CNOT4: variants seen among roughly 807,000 people sequenced by gnomAD.
The protein encoded by CNOT4 is CCR4-associated factor 4.
In CNOT4, 8 loss-of-function variants were observed where a neutral mutation model predicts 73.8. That is an observed-to-expected ratio of 0.11 (90% CI 0.06 to 0.20). The LOEUF is 0.20. Among genes scored for constraint, CNOT4 ranks in the 10% least tolerant of loss-of-function variants. The pLI is 1.00. For synonymous variants in CNOT4, 293 were observed against 321.1 expected, an observed-to-expected ratio of 0.91 and a Z score of 0.94; for missense variants, 564 against 883.4, an observed-to-expected ratio of 0.64 and a Z score of 4.58.
chr7:135,396,107 CTTTTTTTTTTTTTTTT>C (rs71174519), intron 8 of CNOT4, among the ~76,000 whole-genome samples: 8 of 95,430 alleles, frequency 8.4e-5, no homozygotes, highest in South Asian at 3.9e-4. Context: ...ACTAGTCTCC[CTTTTTTTTTTTTTTTT>C]TTTTTTTTTT....
At chr7:135,445,463 C>A (rs1426099909) in intron 1 of CNOT4, among the ~76,000 whole-genome samples, 5 of 152,158 alleles carry the variant, frequency 3.3e-5, no homozygotes, top group Admixed American at 2.6e-4. Flanking sequence ...GCTGATATCT[C>A]ACATTATAAA....
rs3750070 is a variant in CNOT4 at position 135,510,069 on chromosome 7, G to A, written c.-273C>T. On this transcript the variant is annotated 5_prime_UTR_variant, in exon 1 of 12. Coordinates refer to ENST00000541284, the MANE Select transcript of CNOT4 (RefSeq NM_001190850.2). ...CTTTCGGTGGGTTCCACAGCCAGAC[G>A]GGCCACCATCTTACATTAGGGTAAG... The A allele has an allele frequency of 5.2e-3, 2,058 of 399,120 alleles. 79 individuals carry two copies. The East Asian group carries it at 0.068, about 13-fold the overall frequency. 24.7% of individuals were successfully genotyped at this position (399,120 alleles called of 1,614,324 possible). A position where few individuals can be genotyped will look rare whatever the true frequency, so the allele number is the denominator to read the frequency against.
chr7:135,451,901 A>G (rs1257711275), intron 1 of CNOT4, among the ~76,000 whole-genome samples: 1 of 152,222 alleles, frequency 6.6e-6, no homozygotes, highest in African/African-American at 2.4e-5. Flanking sequence ...AGACATGTGC[A>G]AGTATTATAT....
intron 10 of CNOT4, chr7:135,388,256 A>G: frequency 4.1e-6 from 4 of 985,236 alleles, no homozygotes; most frequent in Non-Finnish European, 4.8e-6. Context: ...TGCATATTAT[A>G]GGATATAAAT....
chr7:135,491,148 A>T (rs766871903), intron 1 of CNOT4, among the ~76,000 whole-genome samples: 15 of 152,252 alleles, frequency 9.9e-5, no homozygotes, highest in Non-Finnish European at 1.6e-4. Flanking sequence ...CATTTTGGAC[A>T]TGTTGAGTGT....
intron 10 of CNOT4, among the ~76,000 whole-genome samples, chr7:135,370,643 T>C (rs1795150022): frequency 6.6e-6 from 1 of 152,206 alleles, no homozygotes; most frequent in African/African-American, 2.4e-5. Context: ...GCTCAGTGTC[T>C]TAGAAATGTT....
intron 2 of CNOT4, among the ~76,000 whole-genome samples, chr7:135,432,751 A>G (rs1229683822): frequency 1.3e-5 from 2 of 152,214 alleles, no homozygotes; most frequent in Non-Finnish European, 2.9e-5. Context: ...AAAAATTTTG[A>G]GGCCTCTCAG....
intron 2 of CNOT4, among the ~76,000 whole-genome samples, chr7:135,423,869 T>C (rs1307177925): frequency 1.3e-5 from 2 of 152,112 alleles, no homozygotes; most frequent in African/African-American, 2.4e-5. Context: ...TGCTTAGTAA[T>C]TTACCTGATT....
intron 8 of CNOT4, among the ~76,000 whole-genome samples, chr7:135,397,276 G>T (rs1997260): frequency 0.93 from 141,951 of 152,138 alleles, 66,340 homozygotes; most frequent in East Asian, 1. Context: ...TAATAAAACA[G>T]AATTATGATC....
chr7:135,390,076 T>C (rs772565346), intron 10 of CNOT4, among the ~76,000 whole-genome samples: 1 of 152,156 alleles, frequency 6.6e-6, no homozygotes, highest in Non-Finnish European at 1.5e-5. Context: ...TTTGTAACAA[T>C]AGGCCATATA....
intron 2 of CNOT4, among the ~76,000 whole-genome samples, chr7:135,428,274 A>G (rs1034940381): frequency 2.0e-5 from 3 of 152,184 alleles, no homozygotes; most frequent in African/African-American, 7.2e-5. Flanking sequence ...AATCCACACT[A>G]GTCCTTGGGG....
Position 135,415,213 on chromosome 7 carries a change from A to G in CNOT4, c.422T>C (p.Val141Ala), listed in dbSNP as rs1320561674. 1 of 1,605,096 alleles carries G rather than the reference A, an allele frequency of 6.2e-7. No homozygotes were observed. ...ATATGATGTGCTATTATTGATGACA[A>G]CTTTATGTATTTTACCAAACTTCCC... is the stretch of plus-strand genomic sequence containing the variant. ...YFGKFGKIHK[V>A]VINNSTSYAG... Residue 141 changes from valine (V) to alanine (A), a missense_variant, in exon 4 of 12, where the codon GTT (valine) becomes GCT (alanine). Physicochemically the swap from Val to Ala is moderately conservative, Grantham distance 64. This residue lies in a region of CNOT4 where 76 missense variants were observed against 208.7 expected (regional missense o/e 0.36). Coordinates refer to ENST00000541284, the MANE Select transcript of CNOT4 (RefSeq NM_001190850.2).
At position 135,432,157 on chromosome 7, in the gene CNOT4, T is replaced by C. The variant is rs112753308; in HGVS notation, c.174+6001A>G. 2.6e-5 allele frequency among the ~76,000 whole-genome samples: 4 copies of C among 152,318 alleles called. 1 individual carries two copies. Among genetic ancestry groups the C allele is most frequent in the African/African-American group, 9.6e-5 (4 of 41,564 alleles). ...ATGAGCATATGGATAGATATAATCA[T>C]CAATGGACAGAATACAGATGCTAGT... On this transcript the variant is annotated intron_variant, in intron 2 of 11. Transcript: ENST00000541284.
chr7:135,453,848 T>A lies in CNOT4; in HGVS notation c.-92-15425A>T, dbSNP rs2551768. On this transcript the variant is annotated intron_variant, in intron 1 of 11. Transcript: ENST00000541284. Reference sequence around the variant, plus strand: ...ATTTTATATATATATATATATATATTATATATATAGCTGGTACAGCAGCTC... The same window carrying A: ...ATTTTATATATATATATATATATATAATATATATAGCTGGTACAGCAGCTC... 6.4e-3 allele frequency among the ~76,000 whole-genome samples: 750 copies of A among 116,502 alleles called. 7 individuals are homozygous for A. The highest frequency in any genetic ancestry group is 0.023 in the Middle Eastern group (5 of 218). 76.4% of individuals were successfully genotyped at this position (116,502 alleles called of 152,430 possible).
chr7:135,428,702 T>C (rs962512879), intron 2 of CNOT4, among the ~76,000 whole-genome samples: 10 of 151,538 alleles, frequency 6.6e-5, no homozygotes, highest in African/African-American at 1.7e-4. Context: ...TTAAGAGACA[T>C]AGAAGACAGT....
At position 135,482,452 on chromosome 7, in the gene CNOT4, A is replaced by C. The variant is rs540230287; in HGVS notation, c.-93+27437T>G. On this transcript the variant is annotated intron_variant, in intron 1 of 11. Coordinates refer to ENST00000541284, the MANE Select transcript of CNOT4 (RefSeq NM_001190850.2). ...ACAACTGTAATCCCAGCCACTCAGGAGGCTAAAGTGAAAGGATCGCTTGGA... is the reference window on the plus strand; with the variant it reads ...ACAACTGTAATCCCAGCCACTCAGGCGGCTAAAGTGAAAGGATCGCTTGGA... 8.8e-4 allele frequency among the ~76,000 whole-genome samples: 134 copies of C among 152,172 alleles called. 1 individual carries two copies. Among genetic ancestry groups the C allele is most frequent in the Non-Finnish European group, 1.2e-4 (8 of 67,998 alleles).
At chr7:135,420,708 T>A (rs1428271236) in intron 3 of CNOT4, among the ~76,000 whole-genome samples, 2 of 151,906 alleles carry the variant, frequency 1.3e-5, no homozygotes, top group Non-Finnish European at 2.9e-5. Flanking sequence ...AGCTCACACC[T>A]TTTTAACTCT....
intron 10 of CNOT4, chr7:135,388,162 C>A (rs1223543003): frequency 1.0e-6 from 1 of 985,022 alleles, no homozygotes; most frequent in Non-Finnish European, 1.2e-6. Context: ...TATCTTTTAA[C>A]CATCTATGCA....
intron 1 of CNOT4, among the ~76,000 whole-genome samples, chr7:135,475,748 C>T (rs540322353): frequency 2.0e-5 from 3 of 152,124 alleles, no homozygotes; most frequent in African/African-American, 2.4e-5. Context: ...TGCCATTACA[C>T]ACACACAAAA....
Sources: gnomAD v4.1 joint callset for allele counts (sites outside exome capture counted in the v4.1 genomes callset) on GRCh38, gnomAD v4.1.1 for gene constraint, gnomAD v4.1.1 regional missense constraint, MANE v1.5 for transcripts, NCBI Gene and HGNC (gene_info 2026-07-23, HGNC 2026-07-21) for gene names.